ATG10: variants seen among roughly 807,000 people sequenced by gnomAD.
The protein encoded by ATG10 is ubiquitin-like-conjugating enzyme ATG10.
Under a neutral mutation model 32.1 loss-of-function variants are expected in ATG10, and 30 were observed. That is an observed-to-expected ratio of 0.94 (90% confidence interval 0.70 to 1.27). ATG10 has a LOEUF of 1.27. Ranked by LOEUF, ATG10 falls within the 50% of genes most tolerant of loss-of-function variation. ATG10 has a pLI of 0.00. For synonymous variants in ATG10, 87 were observed against 91.5 expected, an observed-to-expected ratio of 0.95 and a Z score of 0.28; for missense variants, 233 against 262.3, an observed-to-expected ratio of 0.89 and a Z score of 0.77.
intron 1 of ATG10, among the ~76,000 whole-genome samples, chr5:81,975,479 G>A (rs1300746648): frequency 1.3e-5 from 2 of 152,170 alleles, no homozygotes; most frequent in Non-Finnish European, 1.5e-5. Flanking sequence ...TGAGGAGTTT[G>A]AGACCAGCCT....
intron 3 of ATG10, among the ~76,000 whole-genome samples, chr5:82,069,063 A>G (rs1764038353): frequency 6.6e-6 from 1 of 152,020 alleles, no homozygotes; most frequent in African/African-American, 2.4e-5. Flanking sequence ...TATTAAGTAT[A>G]TTTACAATTT....
chr5:82,145,150 AGT>A (rs951255071), intron 3 of ATG10, among the ~76,000 whole-genome samples: 12 of 152,056 alleles, frequency 7.9e-5, no homozygotes, highest in African/African-American at 2.9e-4. Context: ...CTTCATACTT[AGT>A]TTTCTCTTGT....
In ATG10 at chr5:82,178,397, A is replaced by G. The variant is rs532869449; in HGVS notation, c.356-93A>G. ...CATGTGCACTGAAGATCTTTCTAAA[A>G]GTCATGATATTCTTCCAGGAGTTTT... On this transcript the variant is annotated intron_variant, in intron 4 of 7. Coordinates refer to ENST00000282185, the MANE Select transcript of ATG10 (RefSeq NM_031482.5). The G allele has an allele frequency of 2.6e-5, 20 of 757,266 alleles. No individual in the cohort carries two copies. The African/African-American group carries it at 3.5e-4, about 13-fold the overall frequency. The allele number at this position is 757,266 out of a possible 1,614,324, so 46.9% of individuals were successfully genotyped here.
Position 81,981,417 on chromosome 5 carries a change from GGTAA to G in ATG10, c.-12-6139_-12-6136del, listed in dbSNP as rs1478943052. ...GGACCACTGCCTAAGGACCTTGCTAGGTAAGTGATTAAATTAATCTGAATCAATT... is the reference window on the plus strand; with the variant it reads ...GGACCACTGCCTAAGGACCTTGCTAGGTGATTAAATTAATCTGAATCAATT... On this transcript the variant is annotated intron_variant, in intron 1 of 7. Coordinates refer to ENST00000282185, the MANE Select transcript of ATG10 (RefSeq NM_031482.5). Among the ~76,000 whole-genome samples the G allele has an allele frequency of 7.9e-5, 12 of 152,328 alleles. No individual in the cohort carries two copies. The East Asian group carries it at 2.3e-3, about 29-fold the overall frequency.
At chr5:82,138,870 CCCCTCCCCCTCTCCCTCT>C (rs1766896911) in intron 3 of ATG10, among the ~76,000 whole-genome samples, 3 of 73,778 alleles carry the variant, frequency 4.1e-5, no homozygotes, top group Admixed American at 1.6e-4. Context: ...CCTCCCCCTC[CCCCTCCCCCTCTCCCTCT>C]CCCTCTCATG....
rs1420206276 is a variant in ATG10 at position 82,252,569 on chromosome 5, C to T, written c.461C>T (p.Pro154Leu). 6.2e-7 allele frequency: 1 copy of T among 1,602,024 alleles called. No homozygotes were observed. The highest frequency in any genetic ancestry group is 1.1e-5 in the South Asian group (1 of 89,894). Residue 154 changes from proline to leucine, a missense_variant, in exon 6 of 8, where the codon CCA becomes CTA. Coordinates refer to ENST00000282185, the MANE Select transcript of ATG10 (RefSeq NM_031482.5). The part of the protein sequence containing the change: ...PWDTITQQEH[P>L]ILGQPFFVLH... ...CAATTCTGATTCTTACAGGAACATCCAATACTTGGGCAACCCTTTTTTGTA... is the reference window on the plus strand; with the variant it reads ...CAATTCTGATTCTTACAGGAACATCTAATACTTGGGCAACCCTTTTTTGTA...
chr5:81,986,196 C>T (rs964734454), intron 1 of ATG10, among the ~76,000 whole-genome samples: 1 of 152,204 alleles, frequency 6.6e-6, no homozygotes, highest in African/African-American at 2.4e-5. Flanking sequence ...CCGCGCCCAG[C>T]CCTCTTTTTT....
intron 3 of ATG10, among the ~76,000 whole-genome samples, chr5:82,105,316 A>G (rs1274836093): frequency 6.6e-6 from 1 of 151,966 alleles, no homozygotes; most frequent in Non-Finnish European, 1.5e-5. Context: ...TTTTTTCCAC[A>G]CTTCAAAATG....
chr5:82,172,912 A>G (rs1743860221), intron 4 of ATG10, among the ~76,000 whole-genome samples: 1 of 152,204 alleles, frequency 6.6e-6, no homozygotes, highest in Non-Finnish European at 1.5e-5. Context: ...TCATATCACA[A>G]TATAATTTTC....
chr5:82,026,245 T>G (rs1255639401), intron 2 of ATG10, among the ~76,000 whole-genome samples: 2 of 152,226 alleles, frequency 1.3e-5, no homozygotes, highest in African/African-American at 4.8e-5. Flanking sequence ...ATTTGTCCTT[T>G]TGTGACTGGC....
intron 3 of ATG10, among the ~76,000 whole-genome samples, chr5:82,086,112 T>C (rs915766147): frequency 6.6e-6 from 1 of 152,136 alleles, no homozygotes; most frequent in Non-Finnish European, 1.5e-5. Context: ...TTTCACCAAA[T>C]TACCATTTCC....
At chr5:82,133,613 G>A (rs1766625418) in intron 3 of ATG10, among the ~76,000 whole-genome samples, 2 of 151,962 alleles carry the variant, frequency 1.3e-5, no homozygotes, top group African/African-American at 4.8e-5. Flanking sequence ...CCATACTGTT[G>A]TAGTTACCGT....
intron 3 of ATG10, among the ~76,000 whole-genome samples, chr5:82,148,672 A>G (rs1362855866): frequency 3.3e-5 from 5 of 152,104 alleles, no homozygotes; most frequent in Admixed American, 1.3e-4. Context: ...GTTCATACCA[A>G]TCTTTACAAT....
rs1205918418 is a variant in ATG10, at chr5:81,993,388, CT to C, written c.108+5719del. Among the ~76,000 whole-genome samples the C allele has an allele frequency of 4.0e-3, 341 of 84,884 alleles. 13 individuals are homozygous for C. Among genetic ancestry groups the C allele is most frequent in the African/African-American group, 0.019 (326 of 17,064 alleles). 55.7% of individuals were successfully genotyped at this position (84,884 alleles called of 152,430 possible). A position where few individuals can be genotyped will look rare whatever the true frequency, so the allele number is the denominator to read the frequency against. ...CTTTTCTTTTCTTTTCTTTTCTTTT[CT>C]TTTTTTTTCTTTTCTTTTCTTTTCT... On this transcript the variant is annotated intron_variant, in intron 2 of 7. Coordinates refer to ENST00000282185, the MANE Select transcript of ATG10 (RefSeq NM_031482.5).
intron 2 of ATG10, among the ~76,000 whole-genome samples, chr5:82,043,552 G>A (rs540902686): frequency 6.6e-6 from 1 of 152,280 alleles, no homozygotes; most frequent in African/African-American, 2.4e-5. Flanking sequence ...TGGTTGGGCT[G>A]CAAATTTTCC....
At chr5:82,067,545 G>A (rs951078242) in intron 3 of ATG10, among the ~76,000 whole-genome samples, 1 of 152,066 alleles carries the variant, frequency 6.6e-6, no homozygotes. Flanking sequence ...TTCATATTCT[G>A]CTGAATCTTC....
chr5:82,158,572 G>A (rs920626701), intron 3 of ATG10, among the ~76,000 whole-genome samples: 3 of 152,076 alleles, frequency 2.0e-5, no homozygotes, highest in African/African-American at 7.2e-5. Context: ...GAGGATATGT[G>A]TAGATTATAT....
intron 5 of ATG10, among the ~76,000 whole-genome samples, chr5:82,224,513 G>A (rs1009848759): frequency 6.6e-6 from 1 of 152,200 alleles, no homozygotes; most frequent in Non-Finnish European, 1.5e-5. Context: ...CATAAAATTA[G>A]TAGTTGGGAC....
intron 5 of ATG10, among the ~76,000 whole-genome samples, chr5:82,241,780 T>A (rs1283859813): frequency 2.7e-5 from 4 of 148,580 alleles, no homozygotes; most frequent in Non-Finnish European, 4.4e-5. Context: ...TATATTAAAA[T>A]TTTTTTTCTC....
Sources: allele counts gnomAD v4.1 joint callset (sites outside exome capture counted in the v4.1 genomes callset), GRCh38; gene constraint gnomAD v4.1.1; transcripts MANE v1.5; gene names NCBI Gene and HGNC (gene_info 2026-07-23, HGNC 2026-07-21).